Variants in WNK2 observed in about 807,000 individuals in gnomAD.
WNK2 encodes the protein WNK lysine deficient protein kinase 2, also known as serine/threonine-protein kinase WNK2.
Under a neutral mutation model 192.1 loss-of-function variants are expected in WNK2, and 67 were observed. The observed-to-expected ratio is 0.35, with a 90% confidence interval of 0.29 to 0.43. The LOEUF (loss-of-function observed/expected upper bound fraction) is 0.43, where lower values mean the gene tolerates loss of function less well. Ranked by LOEUF, WNK2 falls within the 20% of genes least tolerant of loss-of-function variation. The pLI, the probability that WNK2 is intolerant of heterozygous loss-of-function variation, is 1.00. For synonymous variants in WNK2, 1,439 were observed against 1,393.9 expected (o/e 1.03, Z -0.72); for missense variants, 2,698 against 3,089.7 (o/e 0.87, Z 3.01).
chr9:93,216,734 C>T (rs1318529505), intron 2 of WNK2, among the ~76,000 whole-genome samples: 1 of 150,734 alleles, frequency 6.6e-6, no homozygotes, highest in Non-Finnish European at 1.5e-5. Context: ...ACAAAGGTTG[C>T]AGTAAACCAA....
intron 29 of WNK2, chr9:93,318,362 C>T: frequency 6.2e-7 from 1 of 1,605,494 alleles, no homozygotes; most frequent in Non-Finnish European, 8.5e-7. Context: ...TAGGTGAGCC[C>T]TGCTTTGTCC....
intron 8 of WNK2, among the ~76,000 whole-genome samples, chr9:93,251,654 G>A (rs1395589117): frequency 6.6e-6 from 1 of 152,172 alleles, no homozygotes; most frequent in Admixed American, 6.5e-5. Context: ...AGGCTGTAGT[G>A]AGCCGTGATC....
In WNK2 at chr9:93,239,739, C is replaced by T. The variant is rs1375543190; in HGVS notation, c.1323-18C>T. Reference sequence around the variant, plus strand: ...CCCTGGCGCCCGTGCCCCTGCCTGTCAGCTGCTCTCCCTCCAGGTACGAGA... The same window carrying T: ...CCCTGGCGCCCGTGCCCCTGCCTGTTAGCTGCTCTCCCTCCAGGTACGAGA... On this transcript the variant is annotated intron_variant, in intron 6 of 29. Transcript: ENST00000427277. This position sits in a 1 kb window ranked among gnomAD's most constrained non-coding sequence, Gnocchi z 4.2. 1.9e-6 allele frequency: 3 copies of T among 1,541,618 alleles called. No individual in the cohort carries two copies. Among genetic ancestry groups the T allele is most frequent in the Non-Finnish European group, 2.6e-6 (3 of 1,139,818 alleles).
At chr9:93,289,647 A>T in intron 20 of WNK2, 27 bp downstream of exon 20, 1 of 1,436,954 alleles carries the variant, frequency 7.0e-7, no homozygotes, top group South Asian at 1.5e-5. Flanking sequence ...TCCCAGAGAC[A>T]CTGCCCTGGG....
intron 5 of WNK2, 48 bp from the exon 6 acceptor site, chr9:93,238,185 C>T (rs1188851024): frequency 6.3e-7 from 1 of 1,585,564 alleles, no homozygotes; most frequent in African/African-American, 1.3e-5. Flanking sequence ...GGAGGCCTCG[C>T]CTTCCGGCAG....
chr9:93,221,700 C>A (rs765689380), intron 2 of WNK2, among the ~76,000 whole-genome samples: 1 of 152,138 alleles, frequency 6.6e-6, no homozygotes, highest in East Asian at 1.9e-4. Flanking sequence ...GTCTTACGTT[C>A]GCAGGAAACT....
intron 27 of WNK2, 77 bp from the exon 28 acceptor site, chr9:93,308,251 A>G (rs1694060494): frequency 1.3e-6 from 2 of 1,495,090 alleles, no homozygotes; most frequent in Admixed American, 4.4e-5. Context: ...GTCACGTAAG[A>G]ATGAATGCGG....
chr9:93,244,901 C>T (rs1265205694), intron 7 of WNK2, among the ~76,000 whole-genome samples: 1 of 152,160 alleles, frequency 6.6e-6, no homozygotes, highest in Non-Finnish European at 1.5e-5. Flanking sequence ...CTCCTCCTTC[C>T]CAGCTGGGCT....
rs887831251 is a variant in WNK2 at position 93,239,030 on chromosome 9, A to C, written c.1322+709A>C. Among the ~76,000 whole-genome samples, 1 of 152,210 alleles carries C rather than the reference A, an allele frequency of 6.6e-6. No individual in the cohort carries two copies. The highest frequency in any genetic ancestry group is 1.5e-5 in the Non-Finnish European group (1 of 68,030). ...ACACACAGAGGAAGCCAGGCCCCAA[A>C]GAGTGCGTGCTGTGTGGTTCCATTT... On this transcript the variant is annotated intron_variant, in intron 6 of 29. Transcript: ENST00000427277. The surrounding 1 kb of genome is among the most constrained non-coding windows in gnomAD (Gnocchi z 4.2).
At chr9:93,288,747 G>A (rs779595198) in intron 19 of WNK2, 41 bp from the exon 20 acceptor site, 5 of 1,552,142 alleles carry the variant, frequency 3.2e-6, no homozygotes, top group Non-Finnish European at 4.4e-6. Flanking sequence ...AGATAGGACT[G>A]GAGTACCCTG....
At chr9:93,218,624 C>G (rs565605634) in intron 2 of WNK2, among the ~76,000 whole-genome samples, 1 of 152,236 alleles carries the variant, frequency 6.6e-6, no homozygotes. Context: ...GGTCCAGGGC[C>G]GAGGGTTCGA....
At chr9:93,203,474 A>G (rs1005871397) in intron 2 of WNK2, among the ~76,000 whole-genome samples, 1 of 152,196 alleles carries the variant, frequency 6.6e-6, no homozygotes, top group Non-Finnish European at 1.5e-5. Context: ...GACCCTGGCC[A>G]CAGAGCAGGT....
intron 26 of WNK2, among the ~76,000 whole-genome samples, chr9:93,301,490 G>A (rs1233272842): frequency 6.6e-6 from 1 of 152,172 alleles, no homozygotes; most frequent in Non-Finnish European, 1.5e-5. Flanking sequence ...GCCCTGTTTC[G>A]GCCACCATGT....
At position 93,284,174 on chromosome 9, in the gene WNK2, C is replaced by T. The variant is rs1225297651; in HGVS notation, c.4034-4614C>T. Among the ~76,000 whole-genome samples the T allele has an allele frequency of 2.0e-5, 3 of 152,180 alleles. 1 individual carries two copies. The highest frequency in any genetic ancestry group is 1.3e-4 in the Admixed American group (2 of 15,272). ...GAAATAATTCTGATCTAACCCAACT[C>T]GTCCAGAGAACAAAGAAGCTTGTTT... On this transcript the variant is annotated intron_variant, in intron 19 of 29. Coordinates refer to ENST00000427277, the MANE Select transcript of WNK2 (RefSeq NM_006648.4).
intron 26 of WNK2, among the ~76,000 whole-genome samples, chr9:93,302,717 G>A (rs552198553): frequency 2.0e-5 from 3 of 152,246 alleles, no homozygotes; most frequent in Admixed American, 6.5e-5. Context: ...CCAGAGGCCC[G>A]AGCTGACTCA....
intron 23 of WNK2, among the ~76,000 whole-genome samples, chr9:93,293,679 C>T (rs1387298765): frequency 6.6e-6 from 1 of 152,122 alleles, no homozygotes; most frequent in African/African-American, 2.4e-5. Flanking sequence ...GGCCGGCCCC[C>T]ACCCTGCTGT....
chr9:93,291,526 AC>A (rs1849349542), intron 21 of WNK2, among the ~76,000 whole-genome samples: 1 of 152,160 alleles, frequency 6.6e-6, no homozygotes, highest in Non-Finnish European at 1.5e-5. Flanking sequence ...GATGTTACAT[AC>A]GGCTTGGGGA....
chr9:93,317,661 C>T (rs781685244), intron 29 of WNK2, 30 bp downstream of exon 29: 16 of 1,602,920 alleles, frequency 1.0e-5, no homozygotes. Context: ...CCCAACCCCA[C>T]CCTGTGCGCT....
chr9:93,318,769 C>A (rs906382426), intron 29 of WNK2: 2 of 1,414,844 alleles, frequency 1.4e-6, no homozygotes, highest in African/African-American at 2.9e-5. Flanking sequence ...AGGGCGGGGT[C>A]ATTCTTCTCC....
Sources: allele counts gnomAD v4.1 joint callset (sites outside exome capture counted in the v4.1 genomes callset), GRCh38; gene constraint gnomAD v4.1.1; non-coding constraint Gnocchi (gnomAD v3.1); transcripts MANE v1.5; gene names NCBI Gene and HGNC (gene_info 2026-07-23, HGNC 2026-07-21).